The following PMEPA1 variants were observed in gnomAD, a reference collection of about 807,000 sequenced individuals.
PMEPA1 encodes prostate transmembrane protein, androgen induced 1, also known as protein TMEPAI.
In PMEPA1, 11 loss-of-function variants were observed where a neutral mutation model predicts 23.0. The observed-to-expected ratio is 0.48, with a 90% CI of 0.30 to 0.79. The LOEUF (loss-of-function observed/expected upper bound fraction) is 0.79, where lower values mean the gene tolerates loss of function less well. Among genes scored for constraint, PMEPA1 ranks in the 30% least tolerant of loss-of-function variants. The pLI, the probability that PMEPA1 is intolerant of heterozygous loss-of-function variation, is 0.06. For missense variants in PMEPA1, 377 were observed against 390.9 expected (o/e 0.96, Z 0.30); for synonymous variants, 204 against 166.4 (o/e 1.23, Z -1.74).
intron 1 of PMEPA1, chr20:57,700,158 C>T (rs1352815080): frequency 6.4e-6 from 3 of 471,338 alleles, no homozygotes; most frequent in South Asian, 3.1e-5. Flanking sequence ...GATGCTGATG[C>T]GACTTGCATA....
In PMEPA1 at chr20:57,709,544, G is replaced by A. The variant is rs1254342918; in HGVS notation, c.39C>T (p.Ala13=). The A allele has an allele frequency of 9.0e-7, 1 of 1,109,800 alleles. No homozygotes were observed. Among genetic ancestry groups the A allele is most frequent in the Non-Finnish European group, 1.1e-6 (1 of 890,914 alleles). The allele number at this position is 1,109,800 out of a possible 1,614,324, so 68.7% of individuals were successfully genotyped here. A position where few individuals can be genotyped will look rare whatever the true frequency, so the allele number is the denominator to read the frequency against. ...RLMGVNSTAA[A]AAGQPNVSCT... ...AGGAGACATTGGGCTGCCCGGCGGC[G>A]GCGGCGGCGGTGCTGTTGACCCCCA... The change falls in exon 1 of 4, where the codon GCC becomes GCT. Residue 13 remains alanine (A), a synonymous_variant. Coordinates refer to ENST00000341744, the MANE Select transcript of PMEPA1 (RefSeq NM_020182.5).
In PMEPA1 at chr20:57,652,813, A is replaced by G. The variant is rs1232631025; in HGVS notation, c.319-215T>C. Among the ~76,000 whole-genome samples the G allele has an allele frequency of 6.6e-6, 1 of 152,128 alleles. No homozygotes were observed. The highest frequency in any genetic ancestry group is 1.5e-5 in the Non-Finnish European group (1 of 68,008). ...AGAGCTGCACCGCCCTCCTCCAAAC[A>G]GTGGCAGCGTCCGTGCTCCCGTGTG... On this transcript the variant is annotated intron_variant, in intron 3 of 3. Transcript: ENST00000341744. The surrounding 1 kb of genome is among the most constrained non-coding windows in gnomAD (Gnocchi z 6.1).
intron 1 of PMEPA1, among the ~76,000 whole-genome samples, chr20:57,700,783 T>C (rs1008735561): frequency 2.6e-5 from 4 of 152,150 alleles, no homozygotes; most frequent in African/African-American, 9.7e-5. Flanking sequence ...ATCTCAGCAC[T>C]TTGGGAGGCT....
intron 1 of PMEPA1, 43 bp from the exon 2 acceptor site, chr20:57,659,740 A>G: frequency 6.5e-7 from 1 of 1,542,666 alleles, no homozygotes; most frequent in Non-Finnish European, 8.8e-7. Context: ...GGACACCTGC[A>G]GGTCGCTGTG....
In PMEPA1 at chr20:57,709,536, C is replaced by CCGG. The variant is rs546397966; in HGVS notation, c.44_46dup (p.Ala15dup). On this transcript the variant is annotated inframe_insertion, in exon 1 of 4. Transcript: ENST00000341744. ...GCACGTGCAGGAGACATTGGGCTGC[C>CCGG]CGGCGGCGGCGGCGGCGGTGCTGTT... is the stretch of plus-strand genomic sequence containing the variant. 3.4e-4 allele frequency: 379 copies of CCGG among 1,118,868 alleles called. 2 individuals carry two copies. The African/African-American group carries it at 5.2e-3, about 15-fold the overall frequency. The allele number at this position is 1,118,868 out of a possible 1,614,324, so 69.3% of individuals were successfully genotyped here.
intron 1 of PMEPA1, among the ~76,000 whole-genome samples, chr20:57,693,851 G>A (rs550313207): frequency 1.5e-4 from 23 of 152,358 alleles, no homozygotes; most frequent in African/African-American, 4.8e-4. Context: ...GTGAGGAGGT[G>A]TTGGGTGGTG....
upstream of PMEPA1, chr20:57,710,083 A>C: frequency 2.1e-6 from 2 of 954,478 alleles, no homozygotes; most frequent in Non-Finnish European, 2.5e-6. Context: ...CGCTGCGCCA[A>C]TCCCCGCCGA....
At chr20:57,710,377 T>C, upstream of PMEPA1, 1 of 1,430,944 alleles carries the variant, frequency 7.0e-7, no homozygotes, top group Non-Finnish European at 9.5e-7. Context: ...GGGGCTAGCC[T>C]ATCTTCTGAG....
chr20:57,696,253 C>A (rs1193093306), intron 1 of PMEPA1, among the ~76,000 whole-genome samples: 1 of 152,162 alleles, frequency 6.6e-6, no homozygotes, highest in Non-Finnish European at 1.5e-5. Context: ...GTGGGCTCGT[C>A]CCTGCCTAGA....
At position 57,699,485 on chromosome 20, in the gene PMEPA1, G is replaced by A. The variant is rs577754502; in HGVS notation, c.109+9989C>T. On this transcript the variant is annotated intron_variant, in intron 1 of 3. Coordinates refer to ENST00000341744, the MANE Select transcript of PMEPA1 (RefSeq NM_020182.5). ...ACCAAAGACTCCACATCTAGAAAGC[G>A]GCTGAGCTATGTTAAAGAGCCCCAG... 4.7e-4 allele frequency among the ~76,000 whole-genome samples: 71 copies of A among 152,296 alleles called. 1 individual carries two copies. In the South Asian group the frequency reaches 0.015, roughly 31 times the overall value.
In PMEPA1 at chr20:57,707,970, C is replaced by A. The variant is rs1164823882; in HGVS notation, c.109+1504G>T. ...GCTGGCTCTGGGCAGGTCCTCCTGG[C>A]ACCTCGCTAGTCTGGCACAGGCCAG... On this transcript the variant is annotated intron_variant, in intron 1 of 3. Coordinates refer to ENST00000341744, the MANE Select transcript of PMEPA1 (RefSeq NM_020182.5). 7.2e-5 allele frequency among the ~76,000 whole-genome samples: 11 copies of A among 152,252 alleles called. No individual in the cohort carries two copies. In the East Asian group the frequency reaches 1.9e-3, roughly 27 times the overall value.
At position 57,652,509 on chromosome 20, in the gene PMEPA1, G is replaced by A; in HGVS notation, c.408C>T (p.Thr136=). Residue 136 remains threonine (T), a synonymous_variant, in exon 4 of 4, where the codon ACC becomes ACT. Coordinates refer to ENST00000341744, the MANE Select transcript of PMEPA1 (RefSeq NM_020182.5). The surrounding 1 kb of genome is among the most constrained non-coding windows in gnomAD (Gnocchi z 6.1). ...CGATCTCGTGCTGCAGGTACGGATA[G>A]GTGGGCTGGAAGCGGTGGAAGCGCT... The part of the protein sequence containing the change: ...QRERFHRFQP[T]YPYLQHEIDL... 6.3e-7 allele frequency: 1 copy of A among 1,588,684 alleles called. No individual in the cohort carries two copies. The highest frequency in any genetic ancestry group is 1.7e-4 in the Middle Eastern group (1 of 5,944).
chr20:57,665,347 C>T (rs189532092), intron 1 of PMEPA1, among the ~76,000 whole-genome samples: 1 of 152,128 alleles, frequency 6.6e-6, no homozygotes, highest in Non-Finnish European at 1.5e-5. Context: ...TTTCATTCTC[C>T]TGCTAAATTT....
At chr20:57,676,227 G>A (rs2071634685) in intron 1 of PMEPA1, among the ~76,000 whole-genome samples, 1 of 152,222 alleles carries the variant, frequency 6.6e-6, no homozygotes, top group Non-Finnish European at 1.5e-5. Context: ...TGGTGTCTGT[G>A]GTGACCTGGC....
At chr20:57,696,264 C>T (rs540546906) in intron 1 of PMEPA1, among the ~76,000 whole-genome samples, 3 of 152,182 alleles carry the variant, frequency 2.0e-5, no homozygotes, top group African/African-American at 4.8e-5. Context: ...CCTGCCTAGA[C>T]AAATGAGGCA....
At chr20:57,705,040 G>A (rs974356822) in intron 1 of PMEPA1, among the ~76,000 whole-genome samples, 1 of 152,128 alleles carries the variant, frequency 6.6e-6, no homozygotes, top group African/African-American at 2.4e-5. Flanking sequence ...CTTCTTACAT[G>A]CCCAGAAGTT....
intron 1 of PMEPA1, among the ~76,000 whole-genome samples, chr20:57,695,019 A>G (rs957783142): frequency 1.3e-5 from 2 of 152,212 alleles, no homozygotes; most frequent in African/African-American, 4.8e-5. Flanking sequence ...TCTCACTCCA[A>G]TGAGGCCCTT....
chr20:57,699,891 C>A, intron 1 of PMEPA1: 1 of 385,206 alleles, frequency 2.6e-6, no homozygotes, highest in South Asian at 1.9e-5. Flanking sequence ...CTCAGAGAAG[C>A]CTCCCGGCCT....
chr20:57,701,597 G>C (rs1361891187), intron 1 of PMEPA1, among the ~76,000 whole-genome samples: 1 of 152,094 alleles, frequency 6.6e-6, no homozygotes, highest in Non-Finnish European at 1.5e-5. Flanking sequence ...ACAGTTTCCT[G>C]CCCCCAATAG....
Sources: gnomAD v4.1 joint callset for allele counts (sites outside exome capture counted in the v4.1 genomes callset) on GRCh38, gnomAD v4.1.1 for gene constraint, Gnocchi (gnomAD v3.1) non-coding constraint, MANE v1.5 for transcripts, NCBI Gene and HGNC (gene_info 2026-07-23, HGNC 2026-07-21) for gene names.